The following KIAA1958 variants were observed in gnomAD, a reference collection of about 807,000 sequenced individuals.
The protein encoded by KIAA1958 is uncharacterized protein KIAA1958.
A neutral mutation model predicts 47.2 loss-of-function variants in KIAA1958; 14 were observed. That is an observed-to-expected ratio of 0.30 (90% confidence interval 0.20 to 0.46). The LOEUF (loss-of-function observed/expected upper bound fraction) is 0.46, where lower values mean the gene tolerates loss of function less well. Among genes scored for constraint, KIAA1958 ranks in the 20% least tolerant of loss-of-function variants. The pLI, the probability that KIAA1958 is intolerant of heterozygous loss-of-function variation, is 1.00. For synonymous variants in KIAA1958, 354 were observed against 353.3 expected, an observed-to-expected ratio of 1.00 and a Z score of -0.02; for missense variants, 803 against 909.2, an observed-to-expected ratio of 0.88 and a Z score of 1.50.
intron 1 of KIAA1958, among the ~76,000 whole-genome samples, chr9:112,498,961 T>G (rs978889961): frequency 9.2e-5 from 14 of 152,200 alleles, no homozygotes; most frequent in African/African-American, 2.9e-4. Context: ...GCTCAAAAAT[T>G]TATCTCCTAC....
rs189319571 is a variant in KIAA1958 at position 112,596,176 on chromosome 9, T to A, written c.1171+20925T>A. On this transcript the variant is annotated intron_variant, in intron 2 of 3. Transcript: ENST00000337530. ...GACCGATTATAGTTGAGAATTTTTT[T>A]AAAATAACTCAATTATTACTTAATT... is the stretch of plus-strand genomic sequence containing the variant. 4.3e-3 allele frequency among the ~76,000 whole-genome samples: 651 copies of A among 152,322 alleles called. 4 individuals are homozygous for A. The highest frequency in any genetic ancestry group is 0.015 in the African/African-American group (612 of 41,568).
chr9:112,487,834 G>T (rs756924220), intron 1 of KIAA1958, among the ~76,000 whole-genome samples: 14 of 141,986 alleles, frequency 9.9e-5, no homozygotes, highest in African/African-American at 2.4e-4. Flanking sequence ...CAAAATCAAA[G>T]AATGTTTTTG....
chr9:112,487,968 T>TGC (rs926996568), intron 1 of KIAA1958, among the ~76,000 whole-genome samples: 2 of 151,508 alleles, frequency 1.3e-5, no homozygotes, highest in Non-Finnish European at 2.9e-5. Context: ...TGTGTGTGTG[T>TGC]GTGTGTTTTG....
chr9:112,492,793 A>G (rs533086551), intron 1 of KIAA1958, among the ~76,000 whole-genome samples: 1 of 152,288 alleles, frequency 6.6e-6, no homozygotes, highest in South Asian at 2.1e-4. Context: ...TCTGTTGCCC[A>G]GGATGGAGCG....
intron 1 of KIAA1958, among the ~76,000 whole-genome samples, chr9:112,494,845 A>G (rs1834024914): frequency 6.6e-6 from 1 of 151,766 alleles, no homozygotes; most frequent in Non-Finnish European, 1.5e-5. Context: ...TCTGTCATGA[A>G]CTTTGTCATT....
chr9:112,618,531 C>T lies in KIAA1958; in HGVS notation c.1172-27119C>T, dbSNP rs1836444480. Reference sequence around the variant, plus strand: ...TCCCGTGTGTATGCCACCCAGCACGCCCCACAGACCTGCCCTGTCCAGGAC... The same window carrying T: ...TCCCGTGTGTATGCCACCCAGCACGTCCCACAGACCTGCCCTGTCCAGGAC... On this transcript the variant is annotated intron_variant, in intron 2 of 3. Coordinates refer to ENST00000337530, the MANE Select transcript of KIAA1958 (RefSeq NM_133465.4). The surrounding 1 kb of genome is among the most constrained non-coding windows in gnomAD (Gnocchi z 7.1). 4 of 1,550,734 alleles carry T rather than the reference C, an allele frequency of 2.6e-6. No individual in the cohort carries two copies. The highest frequency in any genetic ancestry group is 2.7e-5 in the African/African-American group (2 of 73,182).
intron 2 of KIAA1958, among the ~76,000 whole-genome samples, chr9:112,612,934 TAGAA>T (rs1354309942): frequency 1.3e-5 from 2 of 152,170 alleles, no homozygotes; most frequent in Non-Finnish European, 2.9e-5. Context: ...ATGCAGCTAT[TAGAA>T]AGATTAAGGC....
At chr9:112,583,541 T>A (rs530854864) in intron 2 of KIAA1958, among the ~76,000 whole-genome samples, 11 of 152,316 alleles carry the variant, frequency 7.2e-5, no homozygotes, top group African/African-American at 2.6e-4. Context: ...GTGCAACTTC[T>A]TGATAACAGG....
Position 112,562,825 on chromosome 9 carries a change from A to AT in KIAA1958, c.-24-11218dup, listed in dbSNP as rs765507098. On this transcript the variant is annotated intron_variant, in intron 1 of 3. Transcript: ENST00000337530. ...TAGGGGAAGTAGAAGTTATGTCAGG[A>AT]TTTTTTTTTTTTTTCCTTTTTGTGG... 9.4e-3 allele frequency among the ~76,000 whole-genome samples: 1,306 copies of AT among 138,770 alleles called. 17 individuals are homozygous for AT. The highest frequency in any genetic ancestry group is 0.03 in the African/African-American group (1,158 of 38,184). 91.0% of individuals were successfully genotyped at this position (138,770 alleles called of 152,430 possible).
intron 2 of KIAA1958, among the ~76,000 whole-genome samples, chr9:112,626,470 C>A (rs968173859): frequency 1.3e-5 from 2 of 152,186 alleles, no homozygotes; most frequent in South Asian, 4.1e-4. Flanking sequence ...TTTATACATT[C>A]ATTTCAATAA....
At chr9:112,564,370 T>C (rs1835391223) in intron 1 of KIAA1958, among the ~76,000 whole-genome samples, 1 of 152,168 alleles carries the variant, frequency 6.6e-6, no homozygotes, top group South Asian at 2.1e-4. Context: ...GCAGTAGAGA[T>C]CTAGTGGCAT....
intron 2 of KIAA1958, among the ~76,000 whole-genome samples, chr9:112,634,750 G>A (rs890854794): frequency 3.3e-5 from 5 of 152,162 alleles, no homozygotes; most frequent in African/African-American, 4.8e-5. Context: ...TGTGATAAAT[G>A]TCTGTTTTTC....
At chr9:112,602,948 C>T (rs1429760488) in intron 2 of KIAA1958, among the ~76,000 whole-genome samples, 1 of 152,156 alleles carries the variant, frequency 6.6e-6, no homozygotes, top group Admixed American at 6.6e-5. Flanking sequence ...GGAGTTATCT[C>T]CGTAACCTCC....
Position 112,618,936 on chromosome 9 carries a change from C to A in KIAA1958, c.1172-26714C>A. ...GCTTGACCAGGTGGCTTGAGCAAGA[C>A]TCCAGTTTGGTTACTGTGTCCGGAG... On this transcript the variant is annotated intron_variant, in intron 2 of 3. Coordinates refer to ENST00000337530, the MANE Select transcript of KIAA1958 (RefSeq NM_133465.4). This position sits in a 1 kb window ranked among gnomAD's most constrained non-coding sequence, Gnocchi z 7.1. 6.7e-7 allele frequency: 1 copy of A among 1,502,332 alleles called. No homozygotes were observed. Among genetic ancestry groups the A allele is most frequent in the South Asian group, 1.3e-5 (1 of 77,456 alleles). The allele number at this position is 1,502,332 out of a possible 1,614,324, so 93.1% of individuals were successfully genotyped here. A position where few individuals can be genotyped will look rare whatever the true frequency, so the allele number is the denominator to read the frequency against.
chr9:112,554,501 CAAT>C (rs58420693), intron 1 of KIAA1958, among the ~76,000 whole-genome samples: 2 of 150,372 alleles, frequency 1.3e-5, no homozygotes, highest in Admixed American at 6.6e-5. Flanking sequence ...GACTCCATCT[CAAT>C]AATAATAATA....
chr9:112,607,766 A>AT (rs10649755), intron 2 of KIAA1958, among the ~76,000 whole-genome samples: 3 of 149,534 alleles, frequency 2.0e-5, no homozygotes, highest in Non-Finnish European at 4.5e-5. Flanking sequence ...AAAAAAAAAA[A>AT]GGCAAAGGCA....
At chr9:112,541,026 T>C (rs1161396575) in intron 1 of KIAA1958, among the ~76,000 whole-genome samples, 1 of 152,124 alleles carries the variant, frequency 6.6e-6, no homozygotes, top group Non-Finnish European at 1.5e-5. Context: ...GGCCTGGAGT[T>C]TCATAATCTA....
intron 1 of KIAA1958, among the ~76,000 whole-genome samples, chr9:112,525,029 A>G (rs920752549): frequency 4.7e-5 from 5 of 105,734 alleles, no homozygotes; most frequent in African/African-American, 1.6e-4. Context: ...ATCATTTTAT[A>G]TAGAACATTG....
chr9:112,652,484 G>A (rs771310635), intron 3 of KIAA1958, among the ~76,000 whole-genome samples: 3 of 152,316 alleles, frequency 2.0e-5, no homozygotes, highest in South Asian at 2.1e-4. Context: ...GACATTTCTC[G>A]AGGAATTGCT....
Sources: allele counts gnomAD v4.1 joint callset (sites outside exome capture counted in the v4.1 genomes callset), GRCh38; gene constraint gnomAD v4.1.1; non-coding constraint Gnocchi (gnomAD v3.1); transcripts MANE v1.5; gene names NCBI Gene and HGNC (gene_info 2026-07-23, HGNC 2026-07-21).